The following MYO3B variants were observed in gnomAD, a reference collection of about 807,000 sequenced individuals.
MYO3B encodes the protein myosin IIIB.
Under a neutral mutation model 174.6 loss-of-function variants are expected in MYO3B, and 156 were observed. The ratio of observed to expected loss-of-function variants is 0.89; its 90% CI spans 0.78 to 1.02. The LOEUF is 1.02. Among genes scored for constraint, MYO3B ranks in the 50% least tolerant of loss-of-function variants. The pLI is 0.00. For missense variants in MYO3B, 1,632 were observed against 1,639.4 expected, an observed-to-expected ratio of 1.00 and a Z score of 0.08; for synonymous variants, 563 against 569.1, an observed-to-expected ratio of 0.99 and a Z score of 0.15.
intron 28 of MYO3B, 98 bp downstream of exon 28, chr2:170,501,963 C>G: frequency 3.5e-6 from 3 of 847,392 alleles, no homozygotes; most frequent in Admixed American, 2.1e-5. Context: ...TTCAGGAGCA[C>G]TGGAATGAGT....
chr2:170,506,232 C>G (rs1226053430), intron 28 of MYO3B, among the ~76,000 whole-genome samples: 1 of 152,220 alleles, frequency 6.6e-6, no homozygotes. Context: ...AAGCAAACAT[C>G]GTATCCAGAC....
intron 1 of MYO3B, among the ~76,000 whole-genome samples, chr2:170,183,162 C>A (rs2092424163): frequency 6.6e-6 from 1 of 151,912 alleles, no homozygotes; most frequent in South Asian, 2.1e-4. Context: ...GAGGCTCAGG[C>A]AAGAAAATTG....
chr2:170,634,756 C>G (rs111569246), intron 32 of MYO3B, among the ~76,000 whole-genome samples: 5,514 of 152,258 alleles, frequency 0.036, 327 homozygotes, highest in African/African-American at 0.12. Context: ...CTACAAAGAA[C>G]TCAAACAAAT....
intron 25 of MYO3B, among the ~76,000 whole-genome samples, chr2:170,497,949 A>G (rs895880490): frequency 0.018 from 164 of 8,974 alleles, 1 homozygote; most frequent in African/African-American, 0.034. Context: ...CTGCCTCAGA[A>G]AAAAAAAAAA....
At position 170,504,654 on chromosome 2, in the gene MYO3B, C is replaced by CT. The variant is rs574963501; in HGVS notation, c.3370+2790dup. Among the ~76,000 whole-genome samples, 24 of 152,294 alleles carry CT rather than the reference C, an allele frequency of 1.6e-4. No homozygotes were observed. The East Asian group carries it at 4.4e-3, about 28-fold the overall frequency. Reference sequence around the variant, plus strand: ...TTCCCAGGCTTTCTCCTCATAAGGACTGGGCGGCCACCATTAGGAACTCTG... The same window carrying CT: ...TTCCCAGGCTTTCTCCTCATAAGGACTTGGGCGGCCACCATTAGGAACTCTG... On this transcript the variant is annotated intron_variant, in intron 28 of 34. Transcript: ENST00000408978.
At chr2:170,435,060 T>G (rs1180612828) in intron 22 of MYO3B, among the ~76,000 whole-genome samples, 1 of 152,274 alleles carries the variant, frequency 6.6e-6, no homozygotes, top group African/African-American at 2.4e-5. Flanking sequence ...TTGGAACATG[T>G]TAATTACTGC....
At chr2:170,514,432 G>A (rs1688169817) in intron 28 of MYO3B, among the ~76,000 whole-genome samples, 1 of 152,212 alleles carries the variant, frequency 6.6e-6, no homozygotes. Flanking sequence ...GAGTTCACAG[G>A]AAGGGAGGGG....
intron 32 of MYO3B, among the ~76,000 whole-genome samples, chr2:170,629,994 C>G (rs1033966438): frequency 2.0e-5 from 3 of 152,208 alleles, no homozygotes; most frequent in African/African-American, 7.2e-5. Context: ...ATGATCAACA[C>G]AGAAGATGGG....
intron 32 of MYO3B, among the ~76,000 whole-genome samples, chr2:170,555,887 A>AATC (rs1338427714): frequency 6.7e-6 from 1 of 150,102 alleles, no homozygotes; most frequent in African/African-American, 2.5e-5. Flanking sequence ...TAATAATAAT[A>AATC]ATATGCATTT....
At chr2:170,259,178 A>G (rs186453238) in intron 7 of MYO3B, among the ~76,000 whole-genome samples, 1 of 152,284 alleles carries the variant, frequency 6.6e-6, no homozygotes, top group African/African-American at 2.4e-5. Flanking sequence ...CTATGAAACT[A>G]CCGATGTCAT....
chr2:170,388,728 G>A (rs956899543), intron 14 of MYO3B, among the ~76,000 whole-genome samples: 2 of 152,162 alleles, frequency 1.3e-5, no homozygotes, highest in African/African-American at 2.4e-5. Flanking sequence ...AGACTAAGGC[G>A]GTGGCAGTGG....
intron 32 of MYO3B, among the ~76,000 whole-genome samples, chr2:170,624,539 T>A (rs986900147): frequency 1.3e-5 from 2 of 152,192 alleles, no homozygotes; most frequent in Non-Finnish European, 2.9e-5. Flanking sequence ...CCTCTTTTCC[T>A]AATTGAGTAC....
chr2:170,311,647 GC>G (rs770415960), intron 7 of MYO3B, among the ~76,000 whole-genome samples: 5 of 151,432 alleles, frequency 3.3e-5, no homozygotes, highest in Non-Finnish European at 7.4e-5. Context: ...TGTTGCTTGT[GC>G]TTTTGGTGTG....
intron 27 of MYO3B, among the ~76,000 whole-genome samples, chr2:170,501,341 T>C (rs1014693730): frequency 9.9e-5 from 15 of 152,170 alleles, no homozygotes; most frequent in Non-Finnish European, 1.3e-4. Flanking sequence ...CTTCTTCAAC[T>C]TTCCTGTTTA....
chr2:170,269,573 T>G (rs1382742554), intron 7 of MYO3B, among the ~76,000 whole-genome samples: 1 of 152,172 alleles, frequency 6.6e-6, no homozygotes, highest in Non-Finnish European at 1.5e-5. Context: ...TGAATAAAAA[T>G]ACACTTGGCA....
chr2:170,410,638 T>G (rs561697043), intron 22 of MYO3B, among the ~76,000 whole-genome samples: 2 of 143,446 alleles, frequency 1.4e-5, no homozygotes, highest in South Asian at 4.6e-4. Flanking sequence ...GGCAATTAGC[T>G]CAAAGCATAA....
chr2:170,184,394 A>G (rs1190679463), intron 1 of MYO3B, among the ~76,000 whole-genome samples: 1 of 152,016 alleles, frequency 6.6e-6, no homozygotes, highest in African/African-American at 2.4e-5. Flanking sequence ...CATGAGTTCA[A>G]TTGTTTTAAT....
chr2:170,510,730 C>A (rs761729584), intron 28 of MYO3B, among the ~76,000 whole-genome samples: 1 of 151,838 alleles, frequency 6.6e-6, no homozygotes, highest in Admixed American at 6.6e-5. Context: ...ATCCACCCCC[C>A]TCACCCTCAG....
intron 32 of MYO3B, among the ~76,000 whole-genome samples, chr2:170,634,978 A>T (rs530624435): frequency 6.6e-6 from 1 of 152,330 alleles, no homozygotes; most frequent in African/African-American, 2.4e-5. Context: ...GCTGGAGAGG[A>T]TGTGGAGAAA....
Sources: allele counts gnomAD v4.1 joint callset (sites outside exome capture counted in the v4.1 genomes callset), GRCh38; gene constraint gnomAD v4.1.1; transcripts MANE v1.5; gene names NCBI Gene and HGNC (gene_info 2026-07-23, HGNC 2026-07-21).